CAMSAP1: variants seen among roughly 807,000 people sequenced by gnomAD.
CAMSAP1 encodes calmodulin regulated spectrin associated protein 1, also known as calmodulin-regulated spectrin-associated protein 1.
Under a neutral mutation model 143.5 loss-of-function variants are expected in CAMSAP1, and 58 were observed. That is an observed-to-expected ratio of 0.40 (90% CI 0.33 to 0.50). The LOEUF is 0.50. Ranked by LOEUF, CAMSAP1 falls within the 20% of genes least tolerant of loss-of-function variation. The probability of loss-of-function intolerance (pLI) is 0.45; values close to 1 mark genes in which losing one functional copy is unlikely to be tolerated. For synonymous variants in CAMSAP1, 945 were observed against 859.3 expected (o/e 1.10, Z -1.74); for missense variants, 1,969 against 2,115.7 (o/e 0.93, Z 1.36).
chr9:135,875,211 AT>A (rs56899993), intron 3 of CAMSAP1, among the ~76,000 whole-genome samples: 32 of 147,024 alleles, frequency 2.2e-4, no homozygotes, highest in Middle Eastern at 3.5e-3. Context: ...AGTGAAAACA[AT>A]TTTTTTTTTT....
chr9:135,829,358 A>G (rs2131679740), intron 7 of CAMSAP1, among the ~76,000 whole-genome samples: 1 of 150,408 alleles, frequency 6.6e-6, no homozygotes, highest in East Asian at 1.9e-4. Context: ...AAAAAAAATT[A>G]AAGTAGCTAG....
intron 1 of CAMSAP1, among the ~76,000 whole-genome samples, chr9:135,888,988 G>GA (rs1401830512): frequency 6.6e-6 from 1 of 152,228 alleles, no homozygotes; most frequent in Non-Finnish European, 1.5e-5. Flanking sequence ...CTTCCAGCCA[G>GA]AAGGCCAGCA....
chr9:135,890,212 G>C (rs115153451), intron 1 of CAMSAP1, among the ~76,000 whole-genome samples: 106 of 152,158 alleles, frequency 7.0e-4, no homozygotes, highest in African/African-American at 2.4e-3. Flanking sequence ...CCTGTGGAAT[G>C]CTCCACACAC....
chr9:135,818,177 CG>C lies in CAMSAP1; in HGVS notation c.4169-99del. 7.5e-7 allele frequency: 1 copy of C among 1,332,304 alleles called. No individual in the cohort carries two copies. The highest frequency in any genetic ancestry group is 1.0e-6 in the Non-Finnish European group (1 of 957,768). 82.5% of individuals were successfully genotyped at this position (1,332,304 alleles called of 1,614,324 possible). ...TCCCCTCACCTCGCCCTGCAGAGCT[CG>C]GCCACACAGGCCGCGTCCCCACCCC... On this transcript the variant is annotated intron_variant, in intron 13 of 16. Coordinates refer to ENST00000389532, the MANE Select transcript of CAMSAP1 (RefSeq NM_015447.4). This position sits in a 1 kb window ranked among gnomAD's most constrained non-coding sequence, Gnocchi z 7.7.
intron 7 of CAMSAP1, among the ~76,000 whole-genome samples, chr9:135,839,221 G>C (rs1409327562): frequency 1.3e-5 from 2 of 152,182 alleles, no homozygotes; most frequent in Non-Finnish European, 2.9e-5. Flanking sequence ...TGCTGATGCA[G>C]AGTGTATGAG....
chr9:135,829,179 G>A (rs1835772211), intron 7 of CAMSAP1, among the ~76,000 whole-genome samples: 1 of 152,198 alleles, frequency 6.6e-6, no homozygotes, highest in African/African-American at 2.4e-5. Context: ...CATAACAGTG[G>A]TAGATACATC....
At chr9:135,893,019 A>C (rs1200469878) in intron 1 of CAMSAP1, among the ~76,000 whole-genome samples, 2 of 151,818 alleles carry the variant, frequency 1.3e-5, no homozygotes, top group Non-Finnish European at 2.9e-5. Flanking sequence ...AAGTTTTAAA[A>C]ATTAGGCGGG....
chr9:135,870,105 A>G (rs1046676606), intron 3 of CAMSAP1, among the ~76,000 whole-genome samples: 7 of 152,198 alleles, frequency 4.6e-5, no homozygotes, highest in African/African-American at 1.7e-4. Context: ...GATGATGACT[A>G]TAAAGCTGAT....
At chr9:135,900,623 A>G (rs1838587254) in intron 1 of CAMSAP1, among the ~76,000 whole-genome samples, 1 of 151,782 alleles carries the variant, frequency 6.6e-6, no homozygotes, top group Admixed American at 6.6e-5. Flanking sequence ...TGAACCCAGG[A>G]GACAGAGCTT....
intron 3 of CAMSAP1, among the ~76,000 whole-genome samples, chr9:135,869,396 G>A (rs1371342878): frequency 6.6e-6 from 1 of 151,726 alleles, no homozygotes; most frequent in East Asian, 1.9e-4. Context: ...CTAGCTACTT[G>A]AGAGGCTGAG....
In CAMSAP1 at chr9:135,889,873, G is replaced by A. The variant is rs143732012; in HGVS notation, c.161-6795C>T. On this transcript the variant is annotated intron_variant, in intron 1 of 16. Coordinates refer to ENST00000389532, the MANE Select transcript of CAMSAP1 (RefSeq NM_015447.4). Reference sequence around the variant, plus strand: ...CCCAGCAGGAAAGGTGCTGGCACCAGGTCCTCTCCCCGTAAGCTCCCACCC... The same window carrying A: ...CCCAGCAGGAAAGGTGCTGGCACCAAGTCCTCTCCCCGTAAGCTCCCACCC... 5.3e-5 allele frequency among the ~76,000 whole-genome samples: 8 copies of A among 152,302 alleles called. No homozygotes were observed. In the East Asian group the frequency reaches 1.4e-3, roughly 26 times the overall value.
At chr9:135,827,323 G>T in intron 8 of CAMSAP1, 84 bp downstream of exon 8, 1 of 1,291,854 alleles carries the variant, frequency 7.7e-7, no homozygotes, top group Non-Finnish European at 1.0e-6. Flanking sequence ...TTTTAAAAAA[G>T]GTAACTTCAA....
rs1000404417 is a variant in CAMSAP1, at chr9:135,817,898, C to A, written c.4271+79G>T. 5.6e-6 allele frequency: 6 copies of A among 1,077,888 alleles called. No homozygotes were observed. In the African/African-American group the frequency reaches 7.9e-5, roughly 14 times the overall value. 66.8% of individuals were successfully genotyped at this position (1,077,888 alleles called of 1,614,324 possible). Reference sequence around the variant, plus strand: ...TTAAAGTTACAAAAGCCTCTCTCACCGTGTTTAATCAGGAAGTCCCACCCT... The same window carrying A: ...TTAAAGTTACAAAAGCCTCTCTCACAGTGTTTAATCAGGAAGTCCCACCCT... On this transcript the variant is annotated intron_variant, in intron 14 of 16. Coordinates refer to ENST00000389532, the MANE Select transcript of CAMSAP1 (RefSeq NM_015447.4).
intron 16 of CAMSAP1, among the ~76,000 whole-genome samples, chr9:135,812,456 C>G (rs1174537532): frequency 2.0e-5 from 3 of 152,138 alleles, no homozygotes; most frequent in Admixed American, 6.5e-5. Context: ...ATGCCCAGAA[C>G]AGGCAAATCC....
At chr9:135,835,361 G>A (rs1186795772) in intron 7 of CAMSAP1, among the ~76,000 whole-genome samples, 3 of 152,120 alleles carry the variant, frequency 2.0e-5, no homozygotes, top group Non-Finnish European at 4.4e-5. Flanking sequence ...AACGATTGGC[G>A]GGGAAGCAAT....
At chr9:135,850,885 G>C (rs115460772) in intron 5 of CAMSAP1, among the ~76,000 whole-genome samples, 1 of 152,232 alleles carries the variant, frequency 6.6e-6, no homozygotes, top group African/African-American at 2.4e-5. Context: ...TGAATAAAAC[G>C]TAAAGCATCA....
At position 135,818,544 on chromosome 9, in the gene CAMSAP1, G is replaced by A. The variant is rs1476224600; in HGVS notation, c.4032C>T (p.Tyr1344=). Residue 1344 remains tyrosine, a synonymous_variant, in exon 13 of 17, where the codon TAC becomes TAT. Transcript: ENST00000389532. This position sits in a 1 kb window ranked among gnomAD's most constrained non-coding sequence, Gnocchi z 7.7. ...KARRELIKQE[Y]LRRKQQQILE... ...GGATCTGCTGCTGCTTCCTCCGCAG[G>A]TACTCCTGCTTGATGAGCTCGCGCC... 3 of 1,613,066 alleles carry A rather than the reference G, an allele frequency of 1.9e-6. No homozygotes were observed. The East Asian group carries it at 6.7e-5, about 36-fold the overall frequency.
rs138421069 is a variant in CAMSAP1, at chr9:135,811,115, G to A, written c.*194C>T. 3.6e-4 allele frequency: 236 copies of A among 658,010 alleles called. No individual in the cohort carries two copies. The highest frequency in any genetic ancestry group is 2.6e-3 in the East Asian group (94 of 35,932). The allele number at this position is 658,010 out of a possible 1,614,324, so 40.8% of individuals were successfully genotyped here. ...CCTCACCCTGCCTGGCATCCTCTGC[G>A]TGAGATGAGCGCTGAGAGAGGGGTT... is the stretch of plus-strand genomic sequence containing the variant. On this transcript the variant is annotated 3_prime_UTR_variant, in exon 17 of 17. Transcript: ENST00000389532. This position sits in a 1 kb window ranked among gnomAD's most constrained non-coding sequence, Gnocchi z 4.9.
intron 1 of CAMSAP1, among the ~76,000 whole-genome samples, chr9:135,890,122 G>A (rs1325517963): frequency 1.3e-5 from 2 of 152,078 alleles, no homozygotes; most frequent in Non-Finnish European, 2.9e-5. Context: ...GACACAGTAG[G>A]ACAGTGCACA....
Sources: allele counts gnomAD v4.1 joint callset (sites outside exome capture counted in the v4.1 genomes callset), GRCh38; gene constraint gnomAD v4.1.1; non-coding constraint Gnocchi (gnomAD v3.1); transcripts MANE v1.5; gene names NCBI Gene and HGNC (gene_info 2026-07-23, HGNC 2026-07-21).